Variants in CCDC170 observed in about 807,000 individuals in gnomAD.
CCDC170 encodes the protein coiled-coil domain-containing protein 170.
A neutral mutation model predicts 72.6 loss-of-function variants in CCDC170; 69 were observed. The ratio of observed to expected loss-of-function variants is 0.95; its 90% CI spans 0.78 to 1.16. The LOEUF (loss-of-function observed/expected upper bound fraction) is 1.16, where lower values mean the gene tolerates loss of function less well. Ranked by LOEUF, CCDC170 falls within the 50% of genes most tolerant of loss-of-function variation. CCDC170 has a pLI of 0.00. For synonymous variants in CCDC170, 300 were observed against 303.9 expected (o/e 0.99, Z 0.13); for missense variants, 852 against 832.5 (o/e 1.02, Z -0.29).
At chr6:151,578,799 A>G (rs1776341588) in intron 6 of CCDC170, among the ~76,000 whole-genome samples, 1 of 152,178 alleles carries the variant, frequency 6.6e-6, no homozygotes. Flanking sequence ...TTATAGCTTG[A>G]GTAATTGGAA....
At chr6:151,536,288 A>G (rs765939547) in intron 1 of CCDC170, 30 bp from the exon 2 acceptor site, 21 of 1,610,888 alleles carry the variant, frequency 1.3e-5, no homozygotes, top group Non-Finnish European at 1.8e-5. Context: ...ACTCTTCTTT[A>G]TATTTTGTAT....
chr6:151,542,434 T>C (rs534696464), intron 3 of CCDC170, among the ~76,000 whole-genome samples: 1 of 152,126 alleles, frequency 6.6e-6, no homozygotes, highest in South Asian at 2.1e-4. Flanking sequence ...GTTGCCCAGG[T>C]TGGTCTTGAA....
intron 5 of CCDC170, among the ~76,000 whole-genome samples, chr6:151,560,085 T>C (rs904221877): frequency 6.6e-6 from 1 of 152,170 alleles, no homozygotes; most frequent in African/African-American, 2.4e-5. Flanking sequence ...TTTAGCAATA[T>C]ATTTTCACAT....
chr6:151,523,383 T>TA (rs1045992541), intron 1 of CCDC170, among the ~76,000 whole-genome samples: 4 of 151,912 alleles, frequency 2.6e-5, no homozygotes, highest in Admixed American at 1.3e-4. Flanking sequence ...ATAAAAGTAT[T>TA]AAAAAAAATT....
chr6:151,611,913 C>A (rs1776878275), intron 9 of CCDC170, among the ~76,000 whole-genome samples: 1 of 151,922 alleles, frequency 6.6e-6, no homozygotes, highest in Non-Finnish European at 1.5e-5. Context: ...GTTTCACTAT[C>A]TTGGCCAGGC....
At position 151,596,564 on chromosome 6, in the gene CCDC170, C is replaced by G. The variant is rs1161918789; in HGVS notation, c.1697C>G (p.Thr566Ser). Residue 566 changes from threonine to serine, a missense_variant, in exon 9 of 11, where the codon ACC becomes AGC. Transcript: ENST00000239374. ...GAGCTCAAAGCCAAACTGGCCGACA[C>G]CAATGAACTGAAGGCAAGTGCTTGG... The part of the protein sequence containing the change: ...HTELKAKLAD[T>S]NELKIKTLEQ... The G allele has an allele frequency of 1.2e-5, 19 of 1,613,918 alleles. No individual in the cohort carries two copies. Among genetic ancestry groups the G allele is most frequent in the Non-Finnish European group, 1.4e-5 (17 of 1,179,964 alleles).
intron 6 of CCDC170, among the ~76,000 whole-genome samples, chr6:151,583,335 A>C (rs761617216): frequency 9.2e-5 from 14 of 151,906 alleles, no homozygotes; most frequent in Non-Finnish European, 1.9e-4. Context: ...CTTCCTTTCT[A>C]TTCCCAGCTT....
chr6:151,538,281 A>G lies in CCDC170; in HGVS notation c.423A>G (p.Val141=). 12 of 1,613,446 alleles carry G rather than the reference A, an allele frequency of 7.4e-6. No homozygotes were observed. The highest frequency in any genetic ancestry group is 6.8e-6 in the Non-Finnish European group (8 of 1,179,796). ...ACCAGGAATTAAAGAAGAAAGTTGT[A>G]GAGTTAAATGAAAAATTACAGTAAG... ...KENQELKKKV[V]ELNEKLQKCS... is the part of the protein sequence containing the mutation. Residue 141 remains valine (V), a synonymous_variant, in exon 3 of 11, where the codon GTA becomes GTG. Coordinates refer to ENST00000239374, the MANE Select transcript of CCDC170 (RefSeq NM_025059.4).
chr6:151,523,685 C>CA (rs11353679), intron 1 of CCDC170, among the ~76,000 whole-genome samples: 4,179 of 115,438 alleles, frequency 0.036, 79 homozygotes, highest in African/African-American at 0.071. Context: ...GACTCTGTCT[C>CA]AAAAAAAAAA....
chr6:151,600,844 A>G (rs573666122), intron 9 of CCDC170, among the ~76,000 whole-genome samples: 15 of 152,254 alleles, frequency 9.9e-5, no homozygotes, highest in African/African-American at 3.4e-4. Flanking sequence ...AGGACTTTGC[A>G]TCACTCCTCC....
Position 151,620,450 on chromosome 6 carries a change from C to T in CCDC170, c.*2303C>T, listed in dbSNP as rs904507264. Reference sequence around the variant, plus strand: ...GCTGGCCAGAGGCAGGACAGGCAGTCTTGAATTTCCTCTAGGGGAGGCCTG... The same window carrying T: ...GCTGGCCAGAGGCAGGACAGGCAGTTTTGAATTTCCTCTAGGGGAGGCCTG... On this transcript the variant is annotated 3_prime_UTR_variant, in exon 11 of 11. Coordinates refer to ENST00000239374, the MANE Select transcript of CCDC170 (RefSeq NM_025059.4). The T allele has an allele frequency of 5.2e-5, 8 of 152,474 alleles. No individual in the cohort carries two copies. The highest frequency in any genetic ancestry group is 1.7e-4 in the African/African-American group (7 of 41,476). 9.4% of individuals were successfully genotyped at this position (152,474 alleles called of 1,614,324 possible). A position where few individuals can be genotyped will look rare whatever the true frequency, so the allele number is the denominator to read the frequency against.
At chr6:151,594,638 G>C (rs1326884323) in intron 8 of CCDC170, among the ~76,000 whole-genome samples, 1 of 151,088 alleles carries the variant, frequency 6.6e-6, no homozygotes, top group Non-Finnish European at 1.5e-5. Flanking sequence ...GCAATGGAGT[G>C]GAATTTTCTT....
At chr6:151,557,532 C>T (rs780243655) in intron 5 of CCDC170, among the ~76,000 whole-genome samples, 32 of 152,212 alleles carry the variant, frequency 2.1e-4, no homozygotes, top group Admixed American at 3.3e-4. Context: ...ATGCTCATGT[C>T]CTTTCCTTTG....
intron 7 of CCDC170, among the ~76,000 whole-genome samples, chr6:151,586,974 C>T (rs538618137): frequency 6.6e-6 from 1 of 151,900 alleles, no homozygotes; most frequent in South Asian, 2.1e-4. Flanking sequence ...TTAGTAGAGA[C>T]GGGGTATCAC....
intron 1 of CCDC170, among the ~76,000 whole-genome samples, chr6:151,529,096 T>C (rs1260826626): frequency 6.6e-6 from 1 of 152,178 alleles, no homozygotes; most frequent in South Asian, 2.1e-4. Context: ...AAATTCTTTT[T>C]TTTCTTGTCT....
intron 7 of CCDC170, among the ~76,000 whole-genome samples, chr6:151,587,068 G>A (rs953567744): frequency 5.9e-5 from 9 of 152,152 alleles, no homozygotes; most frequent in Admixed American, 2.6e-4. Flanking sequence ...ACAGGTGTGA[G>A]CCACCGTGCC....
intron 1 of CCDC170, among the ~76,000 whole-genome samples, chr6:151,526,137 C>T (rs555086349): frequency 1.6e-4 from 23 of 147,990 alleles, no homozygotes; most frequent in African/African-American, 2.8e-4. Flanking sequence ...CCTTCCTTCC[C>T]TCCCTCCCTC....
At chr6:151,576,855 G>C (rs972439197) in intron 6 of CCDC170, among the ~76,000 whole-genome samples, 2 of 152,212 alleles carry the variant, frequency 1.3e-5, no homozygotes, top group African/African-American at 4.8e-5. Flanking sequence ...TACGCACACA[G>C]TCAGTGGCTG....
At chr6:151,610,282 A>C (rs1162131213) in intron 9 of CCDC170, among the ~76,000 whole-genome samples, 1 of 152,236 alleles carries the variant, frequency 6.6e-6, no homozygotes, top group East Asian at 1.9e-4. Context: ...ATACATATAT[A>C]TCAAAAAAAT....
Sources: allele counts gnomAD v4.1 joint callset (sites outside exome capture counted in the v4.1 genomes callset), GRCh38; gene constraint gnomAD v4.1.1; transcripts MANE v1.5; gene names NCBI Gene and HGNC (gene_info 2026-07-23, HGNC 2026-07-21).